Variants in ZNF600 observed in about 807,000 individuals in gnomAD.
The protein encoded by ZNF600 is zinc finger protein 600.
ZNF600 carries 4 observed loss-of-function variants against 7.3 expected under a neutral mutation model. The ratio of observed to expected loss-of-function variants is 0.55; its 90% confidence interval spans 0.27 to 1.25. ZNF600 has a LOEUF of 1.25. ZNF600 is among the 50% of genes most tolerant of loss of function. ZNF600 has a pLI of 0.12. For missense variants in ZNF600, 911 were observed against 922.1 expected, an observed-to-expected ratio of 0.99 and a Z score of 0.16; for synonymous variants, 290 against 308.9, an observed-to-expected ratio of 0.94 and a Z score of 0.64.
exon 4 of ZNF600, chr19:52,767,573 T>G (rs759718717): frequency 9.9e-6 from 16 of 1,613,942 alleles, no homozygotes; most frequent in Non-Finnish European, 1.4e-5. Flanking sequence ...TTTTTATTTT[T>G]GTCATGGGTG....
chr19:52,782,369 C>T (rs775778669), intron 1 of ZNF600, among the ~76,000 whole-genome samples: 13 of 150,704 alleles, frequency 8.6e-5, no homozygotes, highest in South Asian at 2.1e-4. Flanking sequence ...ACTGAAAATA[C>T]AAAATTAGCC....
the ZNF600 span, among the ~76,000 whole-genome samples, chr19:52,819,614 C>T: frequency 8.6e-6 from 1 of 115,736 alleles, no homozygotes; most frequent in Non-Finnish European, 1.8e-5. Context: ...GAAACATTTT[C>T]ACGAAGTTAC....
chr19:52,773,887 A>C (rs1230292516), intron 3 of ZNF600, among the ~76,000 whole-genome samples: 3 of 151,112 alleles, frequency 2.0e-5, no homozygotes, highest in Admixed American at 6.6e-5. Context: ...AAAAGAAGAA[A>C]CTATAACTTT....
At chr19:52,822,673 T>A in the ZNF600 span, among the ~76,000 whole-genome samples, 1 of 152,144 alleles carries the variant, frequency 6.6e-6, no homozygotes, top group Admixed American at 6.5e-5. Context: ...ACATAGTTCA[T>A]CCTGGCTGTA....
Position 52,767,210 on chromosome 19 carries a change from T to C in ZNF600, c.753A>G (p.Ile251Met), listed in dbSNP as rs781744827. Residue 251 changes from isoleucine to methionine, a missense_variant, in exon 4 of 4, where the codon ATA (isoleucine) becomes ATG (methionine). Transcript: ENST00000648973. The stretch of plus-strand genomic sequence containing the variant: ...TATATTGTTTGTCTCCTAAATGGGG[T>C]ATCTGGTGTTTCCTTAAGAGTGAGC... The C allele has an allele frequency of 4.3e-6, 7 of 1,614,138 alleles. No homozygotes were observed. The East Asian group carries it at 1.1e-4, about 26-fold the overall frequency.
chr19:52,800,360 G>C, the ZNF600 span: 32 of 1,614,032 alleles, frequency 2.0e-5, no homozygotes, highest in Non-Finnish European at 2.7e-5. Context: ...CCTTACATTT[G>C]TATGGTTTCT....
the ZNF600 span, among the ~76,000 whole-genome samples, chr19:52,812,742 A>G: frequency 2.5e-5 from 3 of 118,302 alleles, no homozygotes; most frequent in East Asian, 4.5e-4. Flanking sequence ...CCTCTGCGAG[A>G]AACACCCAAG....
chr19:52,813,424 CGT>C, the ZNF600 span, among the ~76,000 whole-genome samples: 2 of 121,412 alleles, frequency 1.6e-5, no homozygotes, highest in Non-Finnish European at 3.3e-5. Context: ...AGCTGCTCCC[CGT>C]GTTTCCCTGC....
At chr19:52,811,249 C>T in the ZNF600 span, among the ~76,000 whole-genome samples, 1 of 151,724 alleles carries the variant, frequency 6.6e-6, no homozygotes, top group Non-Finnish European at 1.5e-5. Flanking sequence ...CTACAACCTC[C>T]ACCTCCCAGC....
the ZNF600 span, chr19:52,801,061 G>A: frequency 1.3e-5 from 21 of 1,613,984 alleles, no homozygotes; most frequent in African/African-American, 5.3e-5. Flanking sequence ...TGAGATCTAC[G>A]ATGGCATGCA....
chr19:52,768,919 C>T (rs113933899), intron 3 of ZNF600, among the ~76,000 whole-genome samples: 1,659 of 152,210 alleles, frequency 0.011, 24 homozygotes, highest in African/African-American at 0.038. Context: ...TAATAATCCT[C>T]GCTCTATAAT....
chr19:52,799,899 G>T, the ZNF600 span: 265 of 1,602,386 alleles, frequency 1.7e-4, no homozygotes, highest in Middle Eastern at 3.3e-4. Flanking sequence ...GTATACGAGG[G>T]ATGACATCTG....
the ZNF600 span, among the ~76,000 whole-genome samples, chr19:52,796,483 G>A: frequency 9.2e-5 from 14 of 151,576 alleles, no homozygotes; most frequent in South Asian, 4.2e-4. Flanking sequence ...ATGTGAGAGC[G>A]GGAGGAGGAA....
At chr19:52,766,382 C>T in exon 4 of ZNF600, 6 of 1,613,156 alleles carry the variant, frequency 3.7e-6, no homozygotes, top group Admixed American at 1.7e-5. Context: ...TCTTATGTGT[C>T]TCAAGGGTTG....
chr19:52,817,927 C>G, the ZNF600 span: 88 of 1,610,110 alleles, frequency 5.5e-5, 1 homozygote, highest in East Asian at 1.5e-3. Flanking sequence ...AGCAATCCAC[C>G]GAGAATACCA....
chr19:52,812,873 ATAGTTTTAAGGCTAC>A, the ZNF600 span, among the ~76,000 whole-genome samples: 1 of 151,416 alleles, frequency 6.6e-6, no homozygotes, highest in Admixed American at 6.6e-5. Context: ...CCTGATTACT[ATAGTTTTAAGGCTAC>A]TTAAAAGGTC....
At chr19:52,771,882 G>A (rs1275500779) in intron 3 of ZNF600, among the ~76,000 whole-genome samples, 1 of 152,104 alleles carries the variant, frequency 6.6e-6, no homozygotes, top group Non-Finnish European at 1.5e-5. Flanking sequence ...CAAAGTGCTG[G>A]AATTAGAGGC....
chr19:52,766,607 C>T lies in ZNF600; in HGVS notation c.1356G>A (p.Glu452=), dbSNP rs781056573. The T allele has an allele frequency of 7.4e-6, 12 of 1,614,144 alleles. No homozygotes were observed. In the South Asian group the frequency reaches 1.2e-4, roughly 16 times the overall value. The change falls in exon 4 of 4, where the codon GAG becomes GAA. Residue 452 remains glutamate, a synonymous_variant. Coordinates refer to ENST00000648973, the Ensembl canonical transcript of ZNF600. ...CACAGACCTTACATTTGTAAGATTT[C>T]TCTCCACCATGAAGTCTATGATGGC...
chr19:52,787,076 C>T (rs200418612), upstream of ZNF600, among the ~76,000 whole-genome samples: 13 of 152,270 alleles, frequency 8.5e-5, no homozygotes, highest in South Asian at 2.1e-4. Context: ...ATGCTGATGG[C>T]CCACAGAACA....
Sources: allele counts gnomAD v4.1 joint callset (sites outside exome capture counted in the v4.1 genomes callset), GRCh38; gene constraint gnomAD v4.1.1; transcripts MANE v1.5; gene names NCBI Gene and HGNC (gene_info 2026-07-23, HGNC 2026-07-21).